The following PCDH15 variants were observed in gnomAD, a reference collection of about 807,000 sequenced individuals.
PCDH15 encodes the protein protocadherin-15.
Under a neutral mutation model 178.5 loss-of-function variants are expected in PCDH15, and 129 were observed. The observed-to-expected ratio is 0.72, with a 90% confidence interval of 0.63 to 0.84. The LOEUF is 0.84. Ranked by LOEUF, PCDH15 falls within the 40% of genes least tolerant of loss-of-function variation. The probability of loss-of-function intolerance (pLI) is 0.00; values close to 1 mark genes in which losing one functional copy is unlikely to be tolerated. For synonymous variants in PCDH15, 800 were observed against 732.0 expected (o/e 1.09, Z -1.50); for missense variants, 2,230 against 2,099.9 (o/e 1.06, Z -1.21).
At chr10:54,772,559 A>G (rs1949218401) in intron 1 of PCDH15, among the ~76,000 whole-genome samples, 1 of 150,328 alleles carries the variant, frequency 6.7e-6, no homozygotes, top group Admixed American at 6.7e-5. Context: ...TCAAAACCAC[A>G]ATGAGATAAC....
At position 54,779,627 on chromosome 10, in the gene PCDH15, C is replaced by T. The variant is rs562909986; in HGVS notation, c.-29+21298G>A. Among the ~76,000 whole-genome samples, 33 of 150,346 alleles carry T rather than the reference C, an allele frequency of 2.2e-4. 1 individual carries two copies. The South Asian group carries it at 6.8e-3, about 31-fold the overall frequency. Reference sequence around the variant, plus strand: ...CCGGGCTGGTATGTAAATCAAGAGGCCTGCCTTCCCTAGCCAAAATGTGAA... The same window carrying T: ...CCGGGCTGGTATGTAAATCAAGAGGTCTGCCTTCCCTAGCCAAAATGTGAA... On this transcript the variant is annotated intron_variant, in intron 1 of 37. Coordinates refer to ENST00000644397, the MANE Select transcript of PCDH15 (RefSeq NM_001384140.1).
intron 2 of PCDH15, among the ~76,000 whole-genome samples, chr10:54,545,403 TGTTA>T (rs2085731250): frequency 6.6e-6 from 1 of 152,146 alleles, no homozygotes; most frequent in African/African-American, 2.4e-5. Context: ...CCAAAACAAA[TGTTA>T]ATTAAAATAA....
rs200357332 is a variant in PCDH15, at chr10:54,319,715, A to AT, written c.706-2275dup. ...AAAGTAATTATACTAACAGACCTGT[A>AT]TTTTTTTTTTTTTGTTCATAAAATG... On this transcript the variant is annotated intron_variant, in intron 7 of 37. Coordinates refer to ENST00000644397, the MANE Select transcript of PCDH15 (RefSeq NM_001384140.1). Among the ~76,000 whole-genome samples, 204 of 149,528 alleles carry AT rather than the reference A, an allele frequency of 1.4e-3. 2 individuals are homozygous for AT. The highest frequency in any genetic ancestry group is 6.4e-3 in the South Asian group (30 of 4,706).
In PCDH15 at chr10:54,964,263, G is replaced by A. The variant is rs112362983; in HGVS notation, c.-79-66763C>T. Among the ~76,000 whole-genome samples, 1,244 of 152,232 alleles carry A rather than the reference G, an allele frequency of 8.2e-3. 16 individuals carry two copies. The highest frequency in any genetic ancestry group is 0.028 in the African/African-American group (1,154 of 41,546). ...CAAAAGAAACCATAAACATTAGTTC[G>A]GTGGGGCAATTGGGCTAGTTTCAAT... On this transcript the variant is annotated intron_variant, in intron 2 of 5. Transcript: ENST00000458638.
chr10:54,249,743 AT>A (rs139016856), intron 8 of PCDH15, among the ~76,000 whole-genome samples: 6,757 of 151,240 alleles, frequency 0.045, 381 homozygotes, highest in African/African-American at 0.13. Context: ...CAAATTATCT[AT>A]TTTTTTTCAA....
Position 54,820,998 on chromosome 10 carries a change from C to T in PCDH15, c.-29+76452G>A, listed in dbSNP as rs79923175. On this transcript the variant is annotated intron_variant, in intron 3 of 5. Coordinates refer to the PCDH15 transcript ENST00000458638. ...AATGAAACATATAATACAAAACACACATGATGGATACAGTACCTCTTTTGC... is the reference window on the plus strand; with the variant it reads ...AATGAAACATATAATACAAAACACATATGATGGATACAGTACCTCTTTTGC... 3.7e-3 allele frequency among the ~76,000 whole-genome samples: 559 copies of T among 152,086 alleles called. 1 individual carries two copies. Among genetic ancestry groups the T allele is most frequent in the African/African-American group, 0.013 (537 of 41,520 alleles).
chr10:53,866,753 C>A lies in PCDH15; in HGVS notation c.3606G>T (p.Gly1202=), dbSNP rs1259057895. Residue 1202 remains glycine (G), a synonymous_variant, in exon 27 of 38, where the codon GGG becomes GGT. Transcript: ENST00000644397. ...KEGFVVETYT[G]LIKTAMLFHN... ...GGAAGAGCATAGCAGTTTTGATAAG[C>A]CCTGTATATGTTTCCACTACAAATC... is the stretch of plus-strand genomic sequence containing the variant. The A allele has an allele frequency of 1.1e-5, 18 of 1,613,060 alleles. No homozygotes were observed. Among genetic ancestry groups the A allele is most frequent in the Non-Finnish European group, 1.5e-5 (18 of 1,179,370 alleles).
At chr10:55,336,892 A>G (rs984966043) in intron 2 of PCDH15, among the ~76,000 whole-genome samples, 3 of 152,152 alleles carry the variant, frequency 2.0e-5, no homozygotes, top group Non-Finnish European at 4.4e-5. Context: ...CGGGAGTCTC[A>G]GCCATGAACC....
chr10:54,201,490 A>T (rs1187977986), intron 10 of PCDH15, among the ~76,000 whole-genome samples: 2 of 152,048 alleles, frequency 1.3e-5, no homozygotes, highest in Admixed American at 1.3e-4. Context: ...TTGTAAACCT[A>T]AACCTTTCTT....
intron 1 of PCDH15, among the ~76,000 whole-genome samples, chr10:55,219,451 A>G (rs1270920150): frequency 1.3e-5 from 2 of 152,048 alleles, no homozygotes; most frequent in East Asian, 3.9e-4. Context: ...ATATGTACCT[A>G]AAGTTCATGA....
chr10:54,876,265 C>T (rs976627358), intron 3 of PCDH15, among the ~76,000 whole-genome samples: 1 of 152,064 alleles, frequency 6.6e-6, no homozygotes, highest in African/African-American at 2.4e-5. Flanking sequence ...TTTAATATTC[C>T]TGCTTACTCA....
chr10:53,844,196 T>C (rs1191960930), intron 28 of PCDH15, among the ~76,000 whole-genome samples: 2 of 152,022 alleles, frequency 1.3e-5, no homozygotes, highest in Non-Finnish European at 2.9e-5. Flanking sequence ...TTGTTCTGAG[T>C]GAGATAAGAA....
chr10:55,588,014 C>A (rs1274274312), intron 2 of PCDH15, among the ~76,000 whole-genome samples: 1 of 152,092 alleles, frequency 6.6e-6, no homozygotes, highest in Non-Finnish European at 1.5e-5. Flanking sequence ...CCAGGTATAA[C>A]CTAGTGTGTG....
intron 2 of PCDH15, among the ~76,000 whole-genome samples, chr10:55,503,467 A>T (rs1249534077): frequency 2.7e-5 from 4 of 150,388 alleles, no homozygotes; most frequent in African/African-American, 4.9e-5. Context: ...ATCTTTATTT[A>T]TTTTATGTTG....
intron 13 of PCDH15, among the ~76,000 whole-genome samples, chr10:54,159,304 T>A (rs4595452): frequency 3.5e-4 from 53 of 151,820 alleles, no homozygotes; most frequent in African/African-American, 1.2e-3. Context: ...AGAACTACTG[T>A]AAAAGAGTGT....
chr10:54,577,887 TAA>T (rs758931750), intron 2 of PCDH15, among the ~76,000 whole-genome samples: 19,960 of 131,626 alleles, frequency 0.15, 1,600 homozygotes, highest in Middle Eastern at 0.22. Flanking sequence ...AATAAATAAA[TAA>T]ATAAATATTC....
intron 2 of PCDH15, among the ~76,000 whole-genome samples, chr10:55,355,529 T>G (rs548489038): frequency 6.6e-6 from 1 of 152,098 alleles, no homozygotes; most frequent in East Asian, 1.9e-4. Context: ...TTTCACACAT[T>G]TATATCTTCC....
chr10:54,594,970 C>T (rs752784928), intron 2 of PCDH15, among the ~76,000 whole-genome samples: 1 of 152,152 alleles, frequency 6.6e-6, no homozygotes, highest in Non-Finnish European at 1.5e-5. Flanking sequence ...GCACACAGTC[C>T]TGCGACCACT....
intron 21 of PCDH15, among the ~76,000 whole-genome samples, chr10:53,967,922 C>G (rs1318022507): frequency 1.3e-5 from 2 of 152,140 alleles, no homozygotes; most frequent in Non-Finnish European, 2.9e-5. Context: ...CAAATAGGAA[C>G]AGCTCCAGTC....
Sources: allele counts gnomAD v4.1 joint callset (sites outside exome capture counted in the v4.1 genomes callset), GRCh38; gene constraint gnomAD v4.1.1; transcripts MANE v1.5; gene names NCBI Gene and HGNC (gene_info 2026-07-23, HGNC 2026-07-21).